SHOC2: variants seen among roughly 807,000 people sequenced by gnomAD.
SHOC2 encodes leucine-rich repeat protein SHOC-2.
In SHOC2, 4 loss-of-function variants were observed where a neutral mutation model predicts 50.2. That is an observed-to-expected ratio of 0.08 (90% CI 0.04 to 0.18). The LOEUF (loss-of-function observed/expected upper bound fraction) is 0.18, where lower values mean the gene tolerates loss of function less well. Ranked by LOEUF, SHOC2 falls within the 10% of genes least tolerant of loss-of-function variation. The pLI is 1.00. For missense variants in SHOC2, 388 were observed against 669.6 expected, an observed-to-expected ratio of 0.58 and a Z score of 4.64; for synonymous variants, 218 against 244.5, an observed-to-expected ratio of 0.89 and a Z score of 1.01.
intron 2 of SHOC2, among the ~76,000 whole-genome samples, chr10:110,983,828 A>C (rs1164882648): frequency 1.3e-5 from 2 of 152,174 alleles, no homozygotes; most frequent in Non-Finnish European, 2.9e-5. Flanking sequence ...AGGTTTATCC[A>C]TGTTTAGCAC....
At chr10:111,001,413 C>T (rs937326468) in intron 4 of SHOC2, among the ~76,000 whole-genome samples, 1 of 152,084 alleles carries the variant, frequency 6.6e-6, no homozygotes, top group Non-Finnish European at 1.5e-5. Context: ...CCTCGGCCTC[C>T]CAAAGTGCTG....
At chr10:110,958,868 T>A (rs1231399106) in intron 1 of SHOC2, among the ~76,000 whole-genome samples, 2 of 152,164 alleles carry the variant, frequency 1.3e-5, no homozygotes, top group East Asian at 1.9e-4. Context: ...GAATTATTCC[T>A]ATATTTTCCT....
At chr10:110,943,821 A>G (rs943805037) in intron 1 of SHOC2, among the ~76,000 whole-genome samples, 1 of 152,254 alleles carries the variant, frequency 6.6e-6, no homozygotes, top group African/African-American at 2.4e-5. Context: ...GAATGGAATT[A>G]AGCATTCTGG....
At chr10:110,946,923 T>C (rs1034413838) in intron 1 of SHOC2, among the ~76,000 whole-genome samples, 1 of 152,126 alleles carries the variant, frequency 6.6e-6, no homozygotes, top group Non-Finnish European at 1.5e-5. Flanking sequence ...AGAATAGTAG[T>C]TTTCAGCATT....
chr10:110,952,627 A>G (rs971122687), intron 1 of SHOC2, among the ~76,000 whole-genome samples: 2 of 151,912 alleles, frequency 1.3e-5, no homozygotes, highest in African/African-American at 4.8e-5. Flanking sequence ...TACATGTGCC[A>G]TCATGGTTTG....
rs543560054 is a variant in SHOC2, at chr10:110,996,934, G to A, written c.842-3481G>A. 4.6e-5 allele frequency among the ~76,000 whole-genome samples: 7 copies of A among 152,278 alleles called. No individual in the cohort carries two copies. The East Asian group carries it at 5.8e-4, about 13-fold the overall frequency. Reference sequence around the variant, plus strand: ...CTGTGGGTGCTCCTGTGCACTTGTCGAGAGGTGGGTAGAGCTTTATCACAG... The same window carrying A: ...CTGTGGGTGCTCCTGTGCACTTGTCAAGAGGTGGGTAGAGCTTTATCACAG... On this transcript the variant is annotated intron_variant, in intron 3 of 8. Transcript: ENST00000369452.
chr10:110,970,515 G>A (rs1847758908), intron 2 of SHOC2, among the ~76,000 whole-genome samples: 1 of 152,050 alleles, frequency 6.6e-6, no homozygotes, highest in African/African-American at 2.4e-5. Context: ...GTATCTCTTT[G>A]ATATGCTGAT....
chr10:111,004,577 T>C (rs761523127), intron 4 of SHOC2, 29 bp from the exon 5 acceptor site: 1 of 1,521,648 alleles, frequency 6.6e-7, no homozygotes. Context: ...ACAGTTCTAA[T>C]TCTTATGTTT....
intron 3 of SHOC2, among the ~76,000 whole-genome samples, chr10:110,999,368 A>G (rs1848324424): frequency 6.6e-6 from 1 of 152,204 alleles, no homozygotes; most frequent in African/African-American, 2.4e-5. Context: ...GTTGAACCAT[A>G]TATGATAGCA....
At chr10:111,007,777 C>T in intron 6 of SHOC2, 124 bp downstream of exon 6, 4 of 943,996 alleles carry the variant, frequency 4.2e-6, no homozygotes, top group South Asian at 1.4e-5. Flanking sequence ...TTAGAACTCA[C>T]TTAAACATAC....
At chr10:111,011,582 A>T (rs776914244) in intron 8 of SHOC2, 28 bp from the exon 9 acceptor site, 8 of 1,570,262 alleles carry the variant, frequency 5.1e-6, no homozygotes, top group South Asian at 4.4e-5. Flanking sequence ...CTAATTTTTA[A>T]AAAAAAATTG....
chr10:110,924,305 T>C (rs977961901), intron 1 of SHOC2, among the ~76,000 whole-genome samples: 14 of 152,340 alleles, frequency 9.2e-5, no homozygotes, highest in African/African-American at 3.4e-4. Flanking sequence ...GACACATGCT[T>C]TTAACAGCAG....
intron 1 of SHOC2, among the ~76,000 whole-genome samples, chr10:110,952,415 C>A (rs1320643141): frequency 6.6e-6 from 1 of 152,080 alleles, no homozygotes; most frequent in Non-Finnish European, 1.5e-5. Context: ...GTTGTAGGTT[C>A]AATGGATTTT....
intron 1 of SHOC2, among the ~76,000 whole-genome samples, chr10:110,962,043 A>G (rs1847581759): frequency 6.6e-6 from 1 of 152,082 alleles, no homozygotes; most frequent in Non-Finnish European, 1.5e-5. Flanking sequence ...ATTTTTAAAC[A>G]AATATCTCAG....
At chr10:110,930,320 G>A (rs994606449) in intron 1 of SHOC2, among the ~76,000 whole-genome samples, 21 of 152,090 alleles carry the variant, frequency 1.4e-4, no homozygotes, top group African/African-American at 5.1e-4. Context: ...CACACTCCTA[G>A]TCTTGTTATT....
Position 110,964,439 on chromosome 10 carries a change from G to A in SHOC2, c.81G>A (p.Glu27=), listed in dbSNP as rs1460331665. 1.2e-6 allele frequency: 2 copies of A among 1,613,450 alleles called. No individual in the cohort carries two copies. Among genetic ancestry groups the A allele is most frequent in the South Asian group, 1.1e-5 (1 of 90,956 alleles). ...KVPSAKEREK[E]AKASGGFGKE... is the part of the protein sequence containing the mutation. ...CATCAGCCAAGGAAAGAGAAAAGGA[G>A]GCAAAAGCCTCTGGAGGTTTTGGGA... The change falls in exon 2 of 9, where the codon GAG becomes GAA. Residue 27 remains glutamate (E), a synonymous_variant. Transcript: ENST00000369452. This position sits in a 1 kb window ranked among gnomAD's most constrained non-coding sequence, Gnocchi z 4.9.
chr10:111,010,669 C>CT (rs1332615499), intron 8 of SHOC2, among the ~76,000 whole-genome samples: 1 of 78,702 alleles, frequency 1.3e-5, no homozygotes. Context: ...TACCCTAGAA[C>CT]TTAAAGTATA....
rs1354615954 is a variant in SHOC2 at position 110,968,924 on chromosome 10, GA to G, written c.703+3870del. ...TTGGGCTATGCTGTTGCCTTGATAG[GA>G]AAAAAATATTAGAACATTTATCCTT... On this transcript the variant is annotated intron_variant, in intron 2 of 8. Transcript: ENST00000369452. 2.6e-5 allele frequency among the ~76,000 whole-genome samples: 4 copies of G among 151,910 alleles called. No homozygotes were observed. In the East Asian group the frequency reaches 7.7e-4, roughly 29 times the overall value.
At chr10:110,920,749 A>G (rs139930673) in intron 1 of SHOC2, among the ~76,000 whole-genome samples, 71 of 152,308 alleles carry the variant, frequency 4.7e-4, no homozygotes, top group African/African-American at 1.6e-3. Flanking sequence ...CTGTTTTGCA[A>G]CCTACCCAAA....
Sources: gnomAD v4.1 joint callset for allele counts (sites outside exome capture counted in the v4.1 genomes callset) on GRCh38, gnomAD v4.1.1 for gene constraint, Gnocchi (gnomAD v3.1) non-coding constraint, MANE v1.5 for transcripts, NCBI Gene and HGNC (gene_info 2026-07-23, HGNC 2026-07-21) for gene names.